RABGAP1: variants seen among roughly 807,000 people sequenced by gnomAD.
RABGAP1 encodes RAB GTPase activating protein 1, also known as rab GTPase-activating protein 1.
Under a neutral mutation model 137.6 loss-of-function variants are expected in RABGAP1, and 23 were observed. The observed-to-expected ratio is 0.17, with a 90% CI of 0.12 to 0.24. The LOEUF is 0.24. Ranked by LOEUF, RABGAP1 falls within the 10% of genes least tolerant of loss-of-function variation. The pLI, the probability that RABGAP1 is intolerant of heterozygous loss-of-function variation, is 1.00. For synonymous variants in RABGAP1, 451 were observed against 450.7 expected (o/e 1.00, Z -0.01); for missense variants, 906 against 1,275.8 (o/e 0.71, Z 4.42).
At chr9:122,957,274 TA>T (rs1386388470) in intron 2 of RABGAP1, 65 bp downstream of exon 2, 1 of 1,303,016 alleles carries the variant, frequency 7.7e-7, no homozygotes, top group Non-Finnish European at 1.0e-6. Context: ...AACTTGGCCT[TA>T]ACAGAAAACA....
intron 10 of RABGAP1, among the ~76,000 whole-genome samples, chr9:123,000,921 A>T (rs1186789157): frequency 1.3e-5 from 2 of 152,028 alleles, no homozygotes; most frequent in East Asian, 3.9e-4. Context: ...TTTCTGCATA[A>T]AACCCTCCAG....
At position 123,089,218 on chromosome 9, in the gene RABGAP1, G is replaced by C. The variant is rs570832287; in HGVS notation, c.2425-540G>C. 2.7e-4 allele frequency among the ~76,000 whole-genome samples: 41 copies of C among 152,266 alleles called. 1 individual carries two copies. In the South Asian group the frequency reaches 8.5e-3, roughly 32 times the overall value. On this transcript the variant is annotated intron_variant, in intron 19 of 25. Coordinates refer to ENST00000373647, the MANE Select transcript of RABGAP1 (RefSeq NM_012197.4). Reference sequence around the variant, plus strand: ...GGAGAGAGGAAAGGGAGGGGATAGAGAGGTGCTAGGATAGTGAGGACTTTG... The same window carrying C: ...GGAGAGAGGAAAGGGAGGGGATAGACAGGTGCTAGGATAGTGAGGACTTTG...
At chr9:123,018,086 CG>C (rs1216390964) in intron 12 of RABGAP1, among the ~76,000 whole-genome samples, 5 of 152,138 alleles carry the variant, frequency 3.3e-5, no homozygotes, top group Non-Finnish European at 5.9e-5. Flanking sequence ...CTCTGCCCCC[CG>C]GGGTTCATGC....
At chr9:122,952,333 A>G (rs1015079346) in intron 1 of RABGAP1, among the ~76,000 whole-genome samples, 48 of 151,992 alleles carry the variant, frequency 3.2e-4, no homozygotes, top group African/African-American at 1.1e-3. Context: ...ATATTGGCTC[A>G]CTGCAAGCTC....
intron 19 of RABGAP1, among the ~76,000 whole-genome samples, chr9:123,086,015 T>C (rs1335907546): frequency 1.3e-5 from 2 of 152,208 alleles, no homozygotes; most frequent in African/African-American, 4.8e-5. Context: ...ATAACAGATA[T>C]GGCCTGTCTC....
At chr9:123,059,708 G>T (rs1476918619) in intron 13 of RABGAP1, among the ~76,000 whole-genome samples, 1 of 152,198 alleles carries the variant, frequency 6.6e-6, no homozygotes, top group Non-Finnish European at 1.5e-5. Flanking sequence ...CTAGAGAGCT[G>T]CCCTGCCCCA....
chr9:122,960,571 G>C (rs1834800800), intron 2 of RABGAP1, among the ~76,000 whole-genome samples: 1 of 152,044 alleles, frequency 6.6e-6, no homozygotes, highest in Admixed American at 6.6e-5. Flanking sequence ...ACTTAGTGTT[G>C]GTACTGTATA....
intron 13 of RABGAP1, among the ~76,000 whole-genome samples, chr9:123,031,538 T>G (rs766709765): frequency 1.3e-5 from 2 of 152,078 alleles, no homozygotes; most frequent in Non-Finnish European, 2.9e-5. Context: ...TGAACAAAAC[T>G]GTAAGTTTAG....
intron 1 of RABGAP1, among the ~76,000 whole-genome samples, chr9:122,951,312 C>T (rs1834230056): frequency 6.6e-6 from 1 of 152,192 alleles, no homozygotes; most frequent in East Asian, 1.9e-4. Flanking sequence ...GGTTTTGCCT[C>T]TGCTAATTGC....
At chr9:122,946,513 C>G (rs980910898) in intron 1 of RABGAP1, among the ~76,000 whole-genome samples, 1 of 152,110 alleles carries the variant, frequency 6.6e-6, no homozygotes, top group African/African-American at 2.4e-5. Flanking sequence ...GTAAATTATA[C>G]TGTAGAAATC....
At chr9:122,985,554 A>G (rs1836324571) in intron 3 of RABGAP1, among the ~76,000 whole-genome samples, 2 of 142,328 alleles carry the variant, frequency 1.4e-5, no homozygotes, top group Admixed American at 7.7e-5. Flanking sequence ...TGGAGGTTGC[A>G]GTGAGCCGAG....
intron 2 of RABGAP1, among the ~76,000 whole-genome samples, chr9:122,967,813 A>G (rs1047934875): frequency 6.6e-6 from 1 of 150,738 alleles, no homozygotes; most frequent in South Asian, 2.1e-4. Context: ...CATGATCTCC[A>G]TCTTCCGGGT....
chr9:123,067,557 T>A (rs1334062758), intron 14 of RABGAP1, among the ~76,000 whole-genome samples: 4 of 152,228 alleles, frequency 2.6e-5, no homozygotes, highest in African/African-American at 9.6e-5. Flanking sequence ...TTGCTGCTTC[T>A]CCAAATATTG....
chr9:123,006,252 G>A (rs7857656), intron 10 of RABGAP1, among the ~76,000 whole-genome samples: 2 of 152,248 alleles, frequency 1.3e-5, no homozygotes, highest in African/African-American at 2.4e-5. Context: ...ATCATAGTTA[G>A]AAAGGCTTTC....
chr9:122,990,012 A>C, intron 5 of RABGAP1, 44 bp from the exon 6 acceptor site: 1 of 1,496,688 alleles, frequency 6.7e-7, no homozygotes, highest in Non-Finnish European at 9.1e-7. Flanking sequence ...AAGGTATTTT[A>C]TATCTTTTGA....
intron 10 of RABGAP1, among the ~76,000 whole-genome samples, chr9:123,009,455 T>C (rs2030601343): frequency 6.6e-6 from 1 of 152,200 alleles, no homozygotes; most frequent in East Asian, 1.9e-4. Flanking sequence ...GTTTTTACTT[T>C]GGTATGTGTG....
intron 1 of RABGAP1, among the ~76,000 whole-genome samples, chr9:122,954,813 A>T (rs1262486197): frequency 6.6e-6 from 1 of 152,234 alleles, no homozygotes; most frequent in Non-Finnish European, 1.5e-5. Flanking sequence ...TTTTGGAGTC[A>T]GATAACTGGG....
chr9:122,957,002 G>A lies in RABGAP1; in HGVS notation c.-49-9G>A. 7.4e-7 allele frequency: 1 copy of A among 1,344,572 alleles called. No homozygotes were observed. Among genetic ancestry groups the A allele is most frequent in the Non-Finnish European group, 9.8e-7 (1 of 1,016,976 alleles). The allele number at this position is 1,344,572 out of a possible 1,614,324, so 83.3% of individuals were successfully genotyped here. ...CTATATGAGTATCTTTATGGTTTTT[G>A]TTTTTCAGGCATTAAAAAATATTTA... On this transcript the variant is annotated splice_polypyrimidine_tract_variant and intron_variant, in intron 1 of 25. Coordinates refer to ENST00000373647, the MANE Select transcript of RABGAP1 (RefSeq NM_012197.4).
intron 13 of RABGAP1, among the ~76,000 whole-genome samples, chr9:123,030,863 A>C (rs1358204414): frequency 6.6e-6 from 1 of 152,196 alleles, no homozygotes; most frequent in East Asian, 1.9e-4. Context: ...GTTGTTAATA[A>C]ATTGTGTCTT....
Sources: gnomAD v4.1 joint callset for allele counts (sites outside exome capture counted in the v4.1 genomes callset) on GRCh38, gnomAD v4.1.1 for gene constraint, MANE v1.5 for transcripts, NCBI Gene and HGNC (gene_info 2026-07-23, HGNC 2026-07-21) for gene names.